RFX4: variants seen among roughly 807,000 people sequenced by gnomAD.
RFX4 encodes transcription factor RFX4.
A neutral mutation model predicts 95.0 loss-of-function variants in RFX4; 10 were observed. The ratio of observed to expected loss-of-function variants is 0.11; its 90% CI spans 0.06 to 0.18. The LOEUF is 0.18. Among genes scored for constraint, RFX4 ranks in the 10% least tolerant of loss-of-function variants. RFX4 has a pLI of 1.00. For missense variants in RFX4, 640 were observed against 922.0 expected (o/e 0.69, Z 3.96); for synonymous variants, 321 against 340.7 (o/e 0.94, Z 0.64).
chr12:106,760,608 T>C (rs564692037), intron 17 of RFX4, among the ~76,000 whole-genome samples: 1 of 152,358 alleles, frequency 6.6e-6, no homozygotes, highest in African/African-American at 2.4e-5. Context: ...CTCTAAATGA[T>C]AGGCACTAAT....
intron 2 of RFX4, among the ~76,000 whole-genome samples, chr12:106,626,150 C>T (rs926790627): frequency 6.6e-6 from 1 of 152,200 alleles, no homozygotes; most frequent in African/African-American, 2.4e-5. Flanking sequence ...TAGCATAGAC[C>T]TCCCTGGAAG....
rs778378103 is a variant in RFX4, at chr12:106,720,833, A to C, written c.1308A>C (p.Thr436=). 6.2e-7 allele frequency: 1 copy of C among 1,613,452 alleles called. No homozygotes were observed. The highest frequency in any genetic ancestry group is 1.1e-5 in the South Asian group (1 of 91,034). ...QFLLMWSCFG[T]RVIRDMTLHS... is the part of the protein sequence containing the mutation. Reference sequence around the variant, plus strand: ...TCTTGATGTGGTCCTGTTTCGGCACAAGGGTGATCCGGGACATGACCTTGC... The same window carrying C: ...TCTTGATGTGGTCCTGTTTCGGCACCAGGGTGATCCGGGACATGACCTTGC... The change falls in exon 13 of 18, where the codon ACA becomes ACC. Residue 436 remains threonine (T), a synonymous_variant. Transcript: ENST00000392842. The surrounding 1 kb of genome is among the most constrained non-coding windows in gnomAD (Gnocchi z 4.2).
chr12:106,750,588 A>G, intron 16 of RFX4, 67 bp from the exon 17 acceptor site: 2 of 1,317,188 alleles, frequency 1.5e-6, no homozygotes, highest in South Asian at 2.6e-5. Context: ...TGAGGTTTTT[A>G]AAAAGGTGTC....
chr12:106,707,150 G>A (rs574167207), intron 8 of RFX4, among the ~76,000 whole-genome samples: 1 of 152,182 alleles, frequency 6.6e-6, no homozygotes, highest in South Asian at 2.1e-4. Flanking sequence ...TATACTACCT[G>A]TCTTGGGGTA....
chr12:106,694,224 G>A (rs1007773044), intron 7 of RFX4, among the ~76,000 whole-genome samples: 2 of 152,178 alleles, frequency 1.3e-5, no homozygotes, highest in African/African-American at 4.8e-5. Context: ...TTCTCTCCTA[G>A]GAAGTCAGAG....
At chr12:106,645,077 A>G (rs997101981) in intron 3 of RFX4, among the ~76,000 whole-genome samples, 2 of 152,144 alleles carry the variant, frequency 1.3e-5, no homozygotes, top group African/African-American at 4.8e-5. Context: ...TCTAAGAACA[A>G]ATAATACAGC....
At chr12:106,683,487 A>AAC (rs1217354931) in intron 5 of RFX4, 5 of 149,998 alleles carry the variant, frequency 3.3e-5, no homozygotes, top group African/African-American at 9.7e-5. Context: ...AAAAAAAAAA[A>AAC]AAAAAAAAAC....
chr12:106,679,475 A>ACC (rs1282646915), intron 4 of RFX4, among the ~76,000 whole-genome samples: 67 of 150,626 alleles, frequency 4.4e-4, no homozygotes, highest in African/African-American at 1.3e-3. Flanking sequence ...AAAAAAAAAA[A>ACC]CCAAAAACCA....
At chr12:106,606,958 T>TA (rs2039847191) in intron 1 of RFX4, among the ~76,000 whole-genome samples, 1 of 152,232 alleles carries the variant, frequency 6.6e-6, no homozygotes, top group South Asian at 2.1e-4. Context: ...TCACATTACT[T>TA]AATCCCTCTA....
chr12:106,624,854 C>T (rs1412753048), intron 2 of RFX4, among the ~76,000 whole-genome samples: 3 of 152,070 alleles, frequency 2.0e-5, no homozygotes, highest in Non-Finnish European at 2.9e-5. Flanking sequence ...AAAAAATTAA[C>T]GATTGGCTAT....
chr12:106,598,497 C>G (rs2068391), intron 1 of RFX4, among the ~76,000 whole-genome samples: 1 of 151,996 alleles, frequency 6.6e-6, no homozygotes, highest in Non-Finnish European at 1.5e-5. Flanking sequence ...AGGTAGTTAC[C>G]GGGTTAGAGT....
Position 106,750,808 on chromosome 12 carries a change from C to A in RFX4, c.1935+15C>A, listed in dbSNP as rs1296571851. 3.3e-6 allele frequency: 5 copies of A among 1,532,962 alleles called. No homozygotes were observed. The African/African-American group carries it at 7.0e-5, about 21-fold the overall frequency. 95.0% of individuals were successfully genotyped at this position (1,532,962 alleles called of 1,614,324 possible). On this transcript the variant is annotated intron_variant, in intron 17 of 17. Coordinates refer to ENST00000392842, the MANE Select transcript of RFX4 (RefSeq NM_213594.3). ...GCTCTGCACAGGTGAGTCAGTGGTC[C>A]TGGTTTCTTGGCCAGGCCTTGGTAT... is the stretch of plus-strand genomic sequence containing the variant.
chr12:106,752,336 T>C (rs1377211919), intron 17 of RFX4, among the ~76,000 whole-genome samples: 1 of 152,230 alleles, frequency 6.6e-6, no homozygotes, highest in Non-Finnish European at 1.5e-5. Context: ...TTTTGGTTAC[T>C]GTAGGACAGT....
chr12:106,657,227 TC>T (rs2137327364), intron 4 of RFX4, among the ~76,000 whole-genome samples: 1 of 152,336 alleles, frequency 6.6e-6, no homozygotes, highest in East Asian at 1.9e-4. Flanking sequence ...AACTTACAAT[TC>T]ATTGATGAAC....
intron 2 of RFX4, among the ~76,000 whole-genome samples, chr12:106,634,743 A>G (rs1357335707): frequency 6.6e-6 from 1 of 151,784 alleles, no homozygotes; most frequent in Admixed American, 6.6e-5. Context: ...CCTTCCCCCC[A>G]TCTGGTGCCC....
intron 1 of RFX4, among the ~76,000 whole-genome samples, chr12:106,605,691 T>C (rs2137194668): frequency 6.6e-6 from 1 of 152,318 alleles, no homozygotes; most frequent in South Asian, 2.1e-4. Context: ...TGGGAACAAT[T>C]TCTTCCAAGA....
At chr12:106,696,186 C>T (rs2041875252) in intron 7 of RFX4, 97 bp from the exon 8 acceptor site, 3 of 1,389,602 alleles carry the variant, frequency 2.2e-6, no homozygotes, top group Admixed American at 1.9e-5. Flanking sequence ...AAGTAGATGA[C>T]AGCATTGTAG....
intron 10 of RFX4, among the ~76,000 whole-genome samples, chr12:106,714,093 C>CAAAAAAAAAAAAAAAA (rs2042243817): frequency 1.1e-5 from 1 of 89,046 alleles, no homozygotes; most frequent in Non-Finnish European, 2.3e-5. Flanking sequence ...AAAAAAAAAG[C>CAAAAAAAAAAAAAAAA]ATGTTCTAAA....
At chr12:106,693,943 AC>A (rs2137442383) in intron 7 of RFX4, among the ~76,000 whole-genome samples, 1 of 152,324 alleles carries the variant, frequency 6.6e-6, no homozygotes, top group Admixed American at 6.5e-5. Context: ...AGAAATCTTC[AC>A]CAAAACCTAT....
Sources: allele counts gnomAD v4.1 joint callset (sites outside exome capture counted in the v4.1 genomes callset), GRCh38; gene constraint gnomAD v4.1.1; non-coding constraint Gnocchi (gnomAD v3.1); transcripts MANE v1.5; gene names NCBI Gene and HGNC (gene_info 2026-07-23, HGNC 2026-07-21).